Variants in MROH2A observed in about 807,000 individuals in gnomAD.
MROH2A encodes maestro heat-like repeat-containing protein family member 2A.
A neutral mutation model predicts 200.4 loss-of-function variants in MROH2A; 174 were observed. That is an observed-to-expected ratio of 0.87 (90% CI 0.77 to 0.98). The LOEUF (loss-of-function observed/expected upper bound fraction) is 0.98. MROH2A is among the 50% of genes least tolerant of loss of function. MROH2A has a pLI of 0.00. For synonymous variants in MROH2A, 829 were observed against 840.4 expected, an observed-to-expected ratio of 0.99 and a Z score of 0.23; for missense variants, 2,045 against 2,139.6, an observed-to-expected ratio of 0.96 and a Z score of 0.87.
At chr2:233,832,307 A>G in intron 40 of MROH2A, 28 bp downstream of exon 40, 2 of 1,543,092 alleles carry the variant, frequency 1.3e-6, no homozygotes, top group Non-Finnish European at 1.8e-6. Flanking sequence ...TCCTGACTCA[A>G]GATAGACTTT....
At chr2:233,781,681 G>A (rs976853459) in intron 3 of MROH2A, among the ~76,000 whole-genome samples, 13 of 151,900 alleles carry the variant, frequency 8.6e-5, no homozygotes, top group African/African-American at 2.2e-4. Flanking sequence ...TTGTCTCTTC[G>A]CTTTGTTCAC....
In MROH2A at chr2:233,820,082, C is replaced by A; in HGVS notation, c.3512+26C>A. 8 of 1,487,230 alleles carry A rather than the reference C, an allele frequency of 5.4e-6. No individual in the cohort carries two copies. Among genetic ancestry groups the A allele is most frequent in the African/African-American group, 1.4e-5 (1 of 71,532 alleles). 92.1% of individuals were successfully genotyped at this position (1,487,230 alleles called of 1,614,324 possible). A position where few individuals can be genotyped will look rare whatever the true frequency, so the allele number is the denominator to read the frequency against. On this transcript the variant is annotated intron_variant, in intron 31 of 41. Coordinates refer to ENST00000389758, the MANE Select transcript of MROH2A (RefSeq NM_001394639.1). The surrounding 1 kb of genome is among the most constrained non-coding windows in gnomAD (Gnocchi z 4.1). ...GTGGGTGCCCTGGAGGAGGTGGCCC[C>A]GGCCTCCTGTGCCATTTGACCATGC...
upstream of MROH2A, among the ~76,000 whole-genome samples, chr2:233,777,414 T>G (rs1700741811): frequency 6.6e-6 from 1 of 152,170 alleles, no homozygotes; most frequent in Non-Finnish European, 1.5e-5. Context: ...GAGGAGGTAG[T>G]GCAGAGGGGC....
chr2:233,819,214 T>A, intron 29 of MROH2A, 103 bp from the exon 30 acceptor site: 2 of 1,197,562 alleles, frequency 1.7e-6, no homozygotes, highest in Middle Eastern at 4.1e-4. Context: ...TGAGAGAGGA[T>A]AGGAGCCTGG....
rs1703850149 is a variant in MROH2A at position 233,820,275 on chromosome 2, AATCTGGACCCGTAGCTC to A, written c.3512+220_3512+236del. On this transcript the variant is annotated intron_variant, in intron 31 of 41. Transcript: ENST00000389758. This position sits in a 1 kb window ranked among gnomAD's most constrained non-coding sequence, Gnocchi z 4.1. ...GTAGAACTTCGCCACATGGAGCTGG[AATCTGGACCCGTAGCTC>A]CCCACATGCCCGGGACAGTGTCTGT... Among the ~76,000 whole-genome samples the A allele has an allele frequency of 1.3e-5, 2 of 152,022 alleles. No individual in the cohort carries two copies. Among genetic ancestry groups the A allele is most frequent in the South Asian group, 2.1e-4 (1 of 4,818 alleles).
rs571606905 is a variant in MROH2A at position 233,779,773 on chromosome 2, C to G, written c.197C>G (p.Ser66Trp). Reference protein sequence around the residue: ...AGLDMRKTLASVIIMEKATTE... With the variant: ...AGLDMRKTLAWVIIMEKATTE... Reference sequence around the variant, plus strand: ...CTTGACATGCGGAAGACCCTGGCCTCGGTGATAATCATGGAGAAGGCCACC... The same window carrying G: ...CTTGACATGCGGAAGACCCTGGCCTGGGTGATAATCATGGAGAAGGCCACC... The change falls in exon 3 of 42, where the codon TCG (serine) becomes TGG (tryptophan). Residue 66 changes from serine (S) to tryptophan (W), a missense_variant. By Grantham distance (177) the Ser-to-Trp change is radical. Transcript: ENST00000389758. 1.3e-6 allele frequency: 2 copies of G among 1,550,848 alleles called. No individual in the cohort carries two copies. The highest frequency in any genetic ancestry group is 1.7e-6 in the Non-Finnish European group (2 of 1,147,038).
rs1704045287 is a variant in MROH2A at position 233,822,922 on chromosome 2, A to G, written c.3908A>G (p.Lys1303Arg). 14 of 1,550,646 alleles carry G rather than the reference A, an allele frequency of 9.0e-6. No individual in the cohort carries two copies. In the East Asian group the frequency reaches 3.2e-4, roughly 35 times the overall value. Residue 1303 changes from lysine (K) to arginine (R), a missense_variant, in exon 34 of 42, where the codon AAG (lysine) becomes AGG (arginine). Coordinates refer to ENST00000389758, the MANE Select transcript of MROH2A (RefSeq NM_001394639.1). ...ATGCAGCTCTTGTTCAAGAGAGTCA[A>G]GAGCCAGCACCTGGCACATACCCTG... The part of the protein sequence containing the change: ...KSMQLLFKRV[K>R]SQHLAHTLDE...
intron 3 of MROH2A, among the ~76,000 whole-genome samples, chr2:233,787,910 TATTA>T (rs1182193192): frequency 5.4e-5 from 3 of 55,272 alleles, no homozygotes; most frequent in African/African-American, 2.2e-4. Context: ...TATACATATA[TATTA>T]TATATATACA....
chr2:233,785,709 C>T (rs1701172205), intron 3 of MROH2A, among the ~76,000 whole-genome samples: 1 of 152,026 alleles, frequency 6.6e-6, no homozygotes, highest in African/African-American at 2.4e-5. Flanking sequence ...GGCAAAGTAG[C>T]TGTCCCTGGC....
At chr2:233,779,000 G>C (rs989710100) in intron 1 of MROH2A, among the ~76,000 whole-genome samples, 3 of 152,180 alleles carry the variant, frequency 2.0e-5, no homozygotes, top group African/African-American at 7.2e-5. Context: ...TTGTAGGACT[G>C]AGGCCCTCAG....
Position 233,829,669 on chromosome 2 carries a change from C to A in MROH2A, c.4496C>A (p.Ala1499Glu). Residue 1499 changes from alanine to glutamate, a missense_variant, in exon 38 of 42, where the codon GCA becomes GAA. Ala to Glu is a moderately radical substitution (Grantham distance 107). This residue lies in a region of MROH2A where 1,201 missense variants were observed against 1,311.3 expected (regional missense o/e 0.92). Transcript: ENST00000389758. ...LKAFILFGKLARVVGMSKKHF... is the reference protein window; with the variant it reads ...LKAFILFGKLERVVGMSKKHF... ...GCCTTCATCCTCTTTGGAAAGCTGG[C>A]AAGGGTGGTCGGGATGTCCAAGAAG... 6.7e-7 allele frequency: 1 copy of A among 1,488,872 alleles called. No homozygotes were observed. Among genetic ancestry groups the A allele is most frequent in the Non-Finnish European group, 9.0e-7 (1 of 1,116,916 alleles). 92.2% of individuals were successfully genotyped at this position (1,488,872 alleles called of 1,614,324 possible). A position where few individuals can be genotyped will look rare whatever the true frequency, so the allele number is the denominator to read the frequency against.
intron 35 of MROH2A, among the ~76,000 whole-genome samples, chr2:233,824,471 AAGG>A (rs779402935): frequency 6.6e-6 from 1 of 152,174 alleles, no homozygotes; most frequent in Non-Finnish European, 1.5e-5. Context: ...TGAGGATGGG[AAGG>A]AGAAGTGCTC....
rs540763634 is a variant in MROH2A at position 233,804,050 on chromosome 2, G to C, written c.1750-1G>C. Reference sequence around the variant, plus strand: ...TTCACTGGAGCCTTGGTGCCCTCCAGGTGCTGATGTCATCACCTTACAAGG... The same window carrying C: ...TTCACTGGAGCCTTGGTGCCCTCCACGTGCTGATGTCATCACCTTACAAGG... On this transcript the variant is annotated splice_acceptor_variant, in intron 16 of 41. Coordinates refer to ENST00000389758, the MANE Select transcript of MROH2A (RefSeq NM_001394639.1). LOFTEE classifies it high-confidence loss of function. The C allele has an allele frequency of 1.3e-4, 195 of 1,550,456 alleles. No homozygotes were observed. In the African/African-American group the frequency reaches 2.5e-3, roughly 20 times the overall value.
intron 17 of MROH2A, 53 bp from the exon 18 acceptor site, chr2:233,804,442 T>C: frequency 6.5e-7 from 1 of 1,538,844 alleles, no homozygotes; most frequent in East Asian, 2.4e-5. Context: ...ATACCAGGCT[T>C]AGGGGAGCAG....
chr2:233,793,833 C>T lies in MROH2A; in HGVS notation c.822+9C>T, dbSNP rs1701941112. On this transcript the variant is annotated intron_variant, in intron 7 of 41. Coordinates refer to ENST00000389758, the MANE Select transcript of MROH2A (RefSeq NM_001394639.1). ...GGCACTACAACCCCGAGGTGAGATG[C>T]ACCCCTCTTAGGAGGGCCTGGTGGT... 1.4e-6 allele frequency: 2 copies of T among 1,400,154 alleles called. No individual in the cohort carries two copies. Among genetic ancestry groups the T allele is most frequent in the Middle Eastern group, 1.8e-4 (1 of 5,424 alleles). The allele number at this position is 1,400,154 out of a possible 1,614,324, so 86.7% of individuals were successfully genotyped here. A position where few individuals can be genotyped will look rare whatever the true frequency, so the allele number is the denominator to read the frequency against.
At chr2:233,826,864 A>T (rs1704346569) in intron 35 of MROH2A, among the ~76,000 whole-genome samples, 1 of 152,236 alleles carries the variant, frequency 6.6e-6, no homozygotes, top group Admixed American at 6.5e-5. Context: ...AGGAACTCAA[A>T]CAAATTTACA....
chr2:233,798,778 C>T lies in MROH2A; in HGVS notation c.1257C>T (p.Pro419=), dbSNP rs1291229906. ...CACCCAGTTTTCCTCTTTCAGAGCC[C>T]AGGATGAGTATCAGGGCCATCTACC... ...LIRAIVSADE[P]RMSIRAIYLA... is the part of the protein sequence containing the mutation. Residue 419 remains proline (P), a synonymous_variant, in exon 12 of 42, where the codon CCC becomes CCT. Coordinates refer to ENST00000389758, the MANE Select transcript of MROH2A (RefSeq NM_001394639.1). The T allele has an allele frequency of 6.5e-7, 1 of 1,550,258 alleles. No homozygotes were observed. The highest frequency in any genetic ancestry group is 8.7e-7 in the Non-Finnish European group (1 of 1,146,858).
rs922412368 is a variant in MROH2A, at chr2:233,833,341, T to C, written c.*82T>C. On this transcript the variant is annotated 3_prime_UTR_variant, in exon 42 of 42. Transcript: ENST00000389758. The stretch of plus-strand genomic sequence containing the variant: ...AATTTAGTTTGTAAGAAGTTTAGTT[T>C]GTAGGAAAAACACTATTGTAAAATA... The C allele has an allele frequency of 7.9e-6, 11 of 1,384,296 alleles. No homozygotes were observed. The highest frequency in any genetic ancestry group is 1.0e-5 in the Non-Finnish European group (11 of 1,048,614). The allele number at this position is 1,384,296 out of a possible 1,614,324, so 85.8% of individuals were successfully genotyped here.
At chr2:233,816,645 A>G (rs1378563208) in intron 26 of MROH2A, 136 bp from the exon 27 acceptor site, 3 of 565,892 alleles carry the variant, frequency 5.3e-6, no homozygotes, top group African/African-American at 3.8e-5. Flanking sequence ...TCCCTTCATG[A>G]TGGGGCCTGT....
Sources: gnomAD v4.1 joint callset for allele counts (sites outside exome capture counted in the v4.1 genomes callset) on GRCh38, gnomAD v4.1.1 for gene constraint, gnomAD v4.1.1 regional missense constraint, Gnocchi (gnomAD v3.1) non-coding constraint, MANE v1.5 for transcripts, NCBI Gene and HGNC (gene_info 2026-07-23, HGNC 2026-07-21) for gene names.